Variants in GALNTL6 observed in about 807,000 individuals in gnomAD.
GALNTL6 encodes the protein polypeptide N-acetylgalactosaminyltransferase-like 6.
Under a neutral mutation model 73.7 loss-of-function variants are expected in GALNTL6, and 46 were observed. The ratio of observed to expected loss-of-function variants is 0.62; its 90% CI spans 0.49 to 0.80. The LOEUF is 0.80. GALNTL6 is among the 30% of genes least tolerant of loss of function. The probability of loss-of-function intolerance (pLI) is 0.00; values close to 1 mark genes in which losing one functional copy is unlikely to be tolerated. For missense variants in GALNTL6, 604 were observed against 755.0 expected (o/e 0.80, Z 2.34); for synonymous variants, 259 against 263.7 (o/e 0.98, Z 0.17).
At chr4:172,697,287 A>G (rs888488719) in intron 5 of GALNTL6, among the ~76,000 whole-genome samples, 7 of 152,212 alleles carry the variant, frequency 4.6e-5, no homozygotes, top group African/African-American at 1.7e-4. Context: ...ATGAGAACAT[A>G]GGTCATTACC....
intron 2 of GALNTL6, among the ~76,000 whole-genome samples, chr4:171,959,979 C>G (rs991651623): frequency 2.6e-5 from 4 of 152,088 alleles, no homozygotes; most frequent in African/African-American, 9.7e-5. Flanking sequence ...ATTTATTTTC[C>G]AATGGAGAAC....
At chr4:172,785,357 A>G (rs574550657) in intron 5 of GALNTL6, among the ~76,000 whole-genome samples, 1 of 152,312 alleles carries the variant, frequency 6.6e-6, no homozygotes, top group South Asian at 2.1e-4. Flanking sequence ...TCTTATTTAA[A>G]CTAGATTTAT....
At chr4:172,899,810 T>C (rs904491112) in intron 8 of GALNTL6, among the ~76,000 whole-genome samples, 2 of 152,184 alleles carry the variant, frequency 1.3e-5, no homozygotes, top group African/African-American at 2.4e-5. Flanking sequence ...AAGGGGTAGA[T>C]TATTCGCGCC....
intron 7 of GALNTL6, among the ~76,000 whole-genome samples, chr4:172,820,184 G>A (rs1239915971): frequency 6.6e-6 from 1 of 152,140 alleles, no homozygotes; most frequent in African/African-American, 2.4e-5. Flanking sequence ...GGAGGAAGAG[G>A]GGCTCCTTCT....
intron 5 of GALNTL6, among the ~76,000 whole-genome samples, chr4:172,407,809 T>C (rs947111246): frequency 6.6e-6 from 1 of 152,070 alleles, no homozygotes; most frequent in African/African-American, 2.4e-5. Flanking sequence ...GAAAATGGAA[T>C]TGAATGTTTA....
chr4:172,609,625 C>CTCTCTGTG (rs753051714), intron 5 of GALNTL6, among the ~76,000 whole-genome samples: 6,918 of 92,598 alleles, frequency 0.075, 447 homozygotes, highest in African/African-American at 0.14. Context: ...CTCTCTCTCT[C>CTCTCTGTG]TGTGTGTGTG....
At chr4:172,774,821 G>T (rs368396855) in intron 5 of GALNTL6, among the ~76,000 whole-genome samples, 3 of 151,998 alleles carry the variant, frequency 2.0e-5, no homozygotes, top group Non-Finnish European at 2.9e-5. Context: ...TTAGCTGGGC[G>T]TGGCAGCATT....
At chr4:172,290,597 C>G (rs1044844791) in intron 3 of GALNTL6, among the ~76,000 whole-genome samples, 1 of 151,798 alleles carries the variant, frequency 6.6e-6, no homozygotes, top group Non-Finnish European at 1.5e-5. Context: ...TTGATAATTG[C>G]AATGAAGTAA....
intron 5 of GALNTL6, among the ~76,000 whole-genome samples, chr4:172,633,359 A>G (rs991404795): frequency 6.6e-6 from 1 of 152,230 alleles, no homozygotes; most frequent in African/African-American, 2.4e-5. Context: ...TGGATGTAAG[A>G]CATGGAGTCA....
At chr4:172,396,816 A>C (rs1579033016) in intron 5 of GALNTL6, among the ~76,000 whole-genome samples, 1 of 152,340 alleles carries the variant, frequency 6.6e-6, no homozygotes, top group East Asian at 1.9e-4. Context: ...AGACAATTTT[A>C]ATTTTGCACA....
intron 5 of GALNTL6, among the ~76,000 whole-genome samples, chr4:172,664,105 G>A (rs1045811762): frequency 5.3e-5 from 8 of 152,254 alleles, no homozygotes; most frequent in Admixed American, 6.5e-5. Context: ...CTGGAATCTA[G>A]GCAGTGATTG....
chr4:172,786,845 C>T (rs2110915321), intron 5 of GALNTL6, among the ~76,000 whole-genome samples: 1 of 152,302 alleles, frequency 6.6e-6, no homozygotes, highest in South Asian at 2.1e-4. Flanking sequence ...TCTATTTTCA[C>T]ATTAGAGAAA....
At chr4:173,012,007 G>A (rs931466613) in intron 11 of GALNTL6, among the ~76,000 whole-genome samples, 3 of 152,168 alleles carry the variant, frequency 2.0e-5, no homozygotes, top group Non-Finnish European at 2.9e-5. Context: ...GGGCTCAAGC[G>A]ATCCTCTTGC....
At chr4:172,180,913 G>A (rs1735221022) in intron 2 of GALNTL6, among the ~76,000 whole-genome samples, 1 of 152,168 alleles carries the variant, frequency 6.6e-6, no homozygotes, top group South Asian at 2.1e-4. Flanking sequence ...TTTTGCTTAG[G>A]ATTGTCTGGC....
At chr4:171,967,598 A>G (rs979755109) in intron 2 of GALNTL6, among the ~76,000 whole-genome samples, 3 of 152,120 alleles carry the variant, frequency 2.0e-5, no homozygotes, top group African/African-American at 4.8e-5. Context: ...TTAGACAACC[A>G]TTTATTATTA....
intron 3 of GALNTL6, among the ~76,000 whole-genome samples, chr4:172,284,506 C>T (rs554576920): frequency 6.6e-6 from 1 of 152,118 alleles, no homozygotes; most frequent in Non-Finnish European, 1.5e-5. Context: ...CCCATTTACC[C>T]ACTGTTGTTT....
At chr4:172,213,488 T>C (rs1207279535) in intron 2 of GALNTL6, among the ~76,000 whole-genome samples, 3 of 152,194 alleles carry the variant, frequency 2.0e-5, no homozygotes, top group African/African-American at 7.2e-5. Context: ...TTTATTAAAA[T>C]TGAAACTTGC....
chr4:171,943,092 C>G (rs1033674251), intron 2 of GALNTL6, among the ~76,000 whole-genome samples: 2 of 152,190 alleles, frequency 1.3e-5, no homozygotes, highest in Non-Finnish European at 1.5e-5. Flanking sequence ...TCATCAATTT[C>G]CACCTTCAGA....
chr4:172,010,536 A>G (rs192979282), intron 2 of GALNTL6, among the ~76,000 whole-genome samples: 1 of 152,220 alleles, frequency 6.6e-6, no homozygotes, highest in East Asian at 1.9e-4. Flanking sequence ...TTATATTTCC[A>G]ACTGATATAT....
Sources: gnomAD v4.1 joint callset for allele counts (sites outside exome capture counted in the v4.1 genomes callset) on GRCh38, gnomAD v4.1.1 for gene constraint, MANE v1.5 for transcripts, NCBI Gene and HGNC (gene_info 2026-07-23, HGNC 2026-07-21) for gene names.